Variants in RETREG3 observed in about 807,000 individuals in gnomAD.
RETREG3 encodes reticulophagy regulator 3.
RETREG3 carries 23 observed loss-of-function variants against 50.2 expected under a neutral mutation model. The ratio of observed to expected loss-of-function variants is 0.46; its 90% CI spans 0.33 to 0.65. The LOEUF is 0.65. Ranked by LOEUF, RETREG3 falls within the 30% of genes least tolerant of loss-of-function variation. The pLI is 0.02. For missense variants in RETREG3, 546 were observed against 598.0 expected, an observed-to-expected ratio of 0.91 and a Z score of 0.91; for synonymous variants, 240 against 234.4, an observed-to-expected ratio of 1.02 and a Z score of -0.22.
At chr17:42,594,118 G>C (rs996109556) in intron 1 of RETREG3, among the ~76,000 whole-genome samples, 6 of 152,226 alleles carry the variant, frequency 3.9e-5, no homozygotes, top group Admixed American at 3.9e-4. Context: ...TAGCCTCGGA[G>C]GTAGAGGTTG....
intron 1 of RETREG3, among the ~76,000 whole-genome samples, chr17:42,592,661 G>T (rs2093135513): frequency 6.6e-6 from 1 of 152,156 alleles, no homozygotes. Flanking sequence ...ATATTGAAAA[G>T]CAAGTTCTGG....
chr17:42,608,740 A>G (rs916415256), intron 1 of RETREG3: 9 of 249,220 alleles, frequency 3.6e-5, no homozygotes, highest in Non-Finnish European at 5.4e-5. Flanking sequence ...ACTTGAGCAG[A>G]CAAGAGAAAG....
chr17:42,591,111 T>C (rs2093132253), intron 2 of RETREG3, among the ~76,000 whole-genome samples: 1 of 152,252 alleles, frequency 6.6e-6, no homozygotes, highest in Non-Finnish European at 1.5e-5. Flanking sequence ...CAACTTCTGG[T>C]TCCTCAGACT....
intron 3 of RETREG3, 131 bp downstream of exon 3, chr17:42,587,703 T>TCCTA: frequency 9.3e-7 from 1 of 1,076,852 alleles, no homozygotes; most frequent in Non-Finnish European, 1.4e-6. Context: ...TGTGTTAAAA[T>TCCTA]GATCATTTGG....
chr17:42,588,350 A>ATTCTTC (rs926275862), intron 2 of RETREG3, among the ~76,000 whole-genome samples: 9 of 150,460 alleles, frequency 6.0e-5, no homozygotes, highest in Non-Finnish European at 1.3e-4. Context: ...TCCGCCTCCC[A>ATTCTTC]TTCTTCTGCC....
At chr17:42,585,631 C>T (rs2093119809) in intron 5 of RETREG3, among the ~76,000 whole-genome samples, 1 of 152,204 alleles carries the variant, frequency 6.6e-6, no homozygotes, top group South Asian at 2.1e-4. Flanking sequence ...CCCAAGCAAG[C>T]TGAGTACATG....
In RETREG3 at chr17:42,592,120, T is replaced by C. The variant is rs181735615; in HGVS notation, c.282A>G (p.Ala94=). 6.2e-7 allele frequency: 1 copy of C among 1,613,942 alleles called. No homozygotes were observed. Among genetic ancestry groups the C allele is most frequent in the African/African-American group, 1.3e-5 (1 of 75,030 alleles). ...LTSLRLVFLL[A]FGLMIIVCID... ...TACACACAATGATCATCAAGCCAAA[T>C]GCAAGTAAAAACACAAGACGAAGAG... The change falls in exon 2 of 9, where the codon GCA becomes GCG. Residue 94 remains alanine (A), a synonymous_variant. Transcript: ENST00000309428.
At position 42,581,679 on chromosome 17, in the gene RETREG3, G is replaced by A; in HGVS notation, c.*134C>T. 1 of 798,590 alleles carries A rather than the reference G, an allele frequency of 1.3e-6. No homozygotes were observed. The highest frequency in any genetic ancestry group is 2.7e-5 in the East Asian group (1 of 36,800). The allele number at this position is 798,590 out of a possible 1,614,324, so 49.5% of individuals were successfully genotyped here. A position where few individuals can be genotyped will look rare whatever the true frequency, so the allele number is the denominator to read the frequency against. ...GTGTCCTCTCTAAGGAGGCCTCTGAGCATCAGCCAGGCCACCCAGCATACA... is the reference window on the plus strand; with the variant it reads ...GTGTCCTCTCTAAGGAGGCCTCTGAACATCAGCCAGGCCACCCAGCATACA... On this transcript the variant is annotated 3_prime_UTR_variant, in exon 9 of 9. Transcript: ENST00000309428.
At chr17:42,599,399 A>G (rs1397723590) in intron 1 of RETREG3, among the ~76,000 whole-genome samples, 2 of 152,168 alleles carry the variant, frequency 1.3e-5, no homozygotes, top group African/African-American at 2.4e-5. Flanking sequence ...TCATGCCTAT[A>G]ATCCCAGCAC....
chr17:42,581,940 C>T lies in RETREG3; in HGVS notation c.1274G>A (p.Arg425Lys), dbSNP rs1390181947. The T allele has an allele frequency of 6.8e-6, 11 of 1,614,186 alleles. No homozygotes were observed. The highest frequency in any genetic ancestry group is 9.3e-6 in the Non-Finnish European group (11 of 1,180,038). ...QPGPSGAPAQ[R>K]ATRGFLRSPS... Reference sequence around the variant, plus strand: ...GGACCGGAGGAAGCCTCTCGTTGCTCTCTGGGCAGGTGCTCCAGAAGGGCC... The same window carrying T: ...GGACCGGAGGAAGCCTCTCGTTGCTTTCTGGGCAGGTGCTCCAGAAGGGCC... Residue 425 changes from arginine (R) to lysine (K), a missense_variant, in exon 9 of 9, where the codon AGA (arginine) becomes AAA (lysine). Physicochemically the swap from Arg to Lys is conservative, Grantham distance 26. Coordinates refer to ENST00000309428, the MANE Select transcript of RETREG3 (RefSeq NM_178126.4).
intron 8 of RETREG3, 29 bp from the exon 9 acceptor site, chr17:42,582,299 T>C: frequency 6.3e-7 from 1 of 1,575,640 alleles, no homozygotes; most frequent in Non-Finnish European, 8.6e-7. Context: ...GTCTGAGTCA[T>C]GGCACCTACC....
rs758182417 is a variant in RETREG3, at chr17:42,582,039, T to C, written c.1175A>G (p.Asn392Ser). 17 of 1,613,882 alleles carry C rather than the reference T, an allele frequency of 1.1e-5. No homozygotes were observed. The South Asian group carries it at 1.2e-4, about 11-fold the overall frequency. ...CAGGCTGGCAAGGTTGCTGGTGAGG[T>C]TGGATCCTACAGGAAGAGCACCAAG... is the stretch of plus-strand genomic sequence containing the variant. ...LLLGALPVGS[N>S]LTSNLASLVS... The change falls in exon 9 of 9, where the codon AAC becomes AGC. Residue 392 changes from asparagine (N) to serine (S), a missense_variant. Transcript: ENST00000309428.
chr17:42,582,828 G>T, intron 7 of RETREG3, 22 bp from the exon 8 acceptor site: 1 of 1,613,944 alleles, frequency 6.2e-7, no homozygotes, highest in South Asian at 1.1e-5. Context: ...ACCAACAAAT[G>T]TGAGATAATG....
At chr17:42,582,877 C>T (rs1310784510) in intron 7 of RETREG3, 71 bp from the exon 8 acceptor site, 2 of 1,582,958 alleles carry the variant, frequency 1.3e-6, no homozygotes, top group Non-Finnish European at 8.6e-7. Flanking sequence ...TACAGCTTTA[C>T]TAATCAGCTA....
intron 5 of RETREG3, 100 bp from the exon 6 acceptor site, chr17:42,585,362 A>T: frequency 6.7e-7 from 1 of 1,484,874 alleles, no homozygotes; most frequent in Admixed American, 2.0e-5. Flanking sequence ...TTGGACACAA[A>T]GTGTGGAACA....
chr17:42,592,854 A>G (rs539160778), intron 1 of RETREG3, among the ~76,000 whole-genome samples: 4 of 152,248 alleles, frequency 2.6e-5, no homozygotes, highest in African/African-American at 9.6e-5. Context: ...TGGGAGGCTG[A>G]GGCATGCCTG....
chr17:42,594,048 C>T (rs187224216), intron 1 of RETREG3, among the ~76,000 whole-genome samples: 37 of 152,290 alleles, frequency 2.4e-4, no homozygotes, highest in African/African-American at 8.9e-4. Flanking sequence ...AAAAAATGAG[C>T]TGAGCATGGT....
intron 2 of RETREG3, among the ~76,000 whole-genome samples, chr17:42,590,850 C>T (rs1271759983): frequency 6.6e-6 from 1 of 152,074 alleles, no homozygotes; most frequent in Non-Finnish European, 1.5e-5. Flanking sequence ...GCCTGTAATC[C>T]CAGCTACTAG....
At position 42,582,135 on chromosome 17, in the gene RETREG3, G is replaced by C; in HGVS notation, c.1079C>G (p.Ser360Cys). 3 of 1,614,108 alleles carry C rather than the reference G, an allele frequency of 1.9e-6. No individual in the cohort carries two copies. Among genetic ancestry groups the C allele is most frequent in the East Asian group, 2.2e-5 (1 of 44,860 alleles). ...CTGGGGCTCCTCAGCCCCTGGCGGA[G>C]AACGGTACATCAAGCTGGGCATGCC... ...SIGMPSLMYR[S>C]PPGAEEPQAP... The change falls in exon 9 of 9, where the codon TCT becomes TGT. Residue 360 changes from serine to cysteine, a missense_variant. Coordinates refer to ENST00000309428, the MANE Select transcript of RETREG3 (RefSeq NM_178126.4).
Sources: allele counts gnomAD v4.1 joint callset (sites outside exome capture counted in the v4.1 genomes callset), GRCh38; gene constraint gnomAD v4.1.1; transcripts MANE v1.5; gene names NCBI Gene and HGNC (gene_info 2026-07-23, HGNC 2026-07-21).